Variants in MKX observed in about 807,000 individuals in gnomAD.
MKX encodes homeobox protein Mohawk.
A neutral mutation model predicts 36.0 loss-of-function variants in MKX; 13 were observed. That is an observed-to-expected ratio of 0.36 (90% CI 0.24 to 0.57). The LOEUF (loss-of-function observed/expected upper bound fraction) is 0.57, where lower values mean the gene tolerates loss of function less well. Ranked by LOEUF, MKX falls within the 20% of genes least tolerant of loss-of-function variation. The pLI is 0.79. For missense variants in MKX, 458 were observed against 456.4 expected, an observed-to-expected ratio of 1.00 and a Z score of -0.03; for synonymous variants, 176 against 178.3, an observed-to-expected ratio of 0.99 and a Z score of 0.10.
intron 5 of MKX, among the ~76,000 whole-genome samples, chr10:27,695,002 C>T (rs941230224): frequency 1.3e-5 from 2 of 151,460 alleles, no homozygotes; most frequent in African/African-American, 4.9e-5. Context: ...AAGGTGGAAG[C>T]AAGAGTAATT....
At chr10:27,735,416 T>G in intron 3 of MKX, 42 bp from the exon 4 acceptor site, 1 of 1,544,822 alleles carries the variant, frequency 6.5e-7, no homozygotes. Context: ...CTTAAAAACA[T>G]TATCCATGGT....
At position 27,743,287 on chromosome 10, in the gene MKX, C is replaced by A; in HGVS notation, c.129G>T (p.Val43=). The change falls in exon 2 of 7, where the codon GTG becomes GTT. Residue 43 remains valine (V), a synonymous_variant. Coordinates refer to ENST00000419761, the MANE Select transcript of MKX (RefSeq NM_173576.3). The stretch of plus-strand genomic sequence containing the variant: ...TGAGGGGCGGGCCGTCGGGAATGCC[C>A]ACCTCGGGGCGGGCGTGAGGACTGT... ...VLDSPHARPE[V]GIPDGPPLKD... The A allele has an allele frequency of 6.4e-7, 1 of 1,551,820 alleles. No individual in the cohort carries two copies.
At chr10:27,680,088 T>G (rs1836226034) in intron 5 of MKX, among the ~76,000 whole-genome samples, 1 of 151,902 alleles carries the variant, frequency 6.6e-6, no homozygotes, top group African/African-American at 2.4e-5. Context: ...AGAGGGAAAA[T>G]GCAAGTTGGA....
chr10:27,741,474 G>T lies in MKX; in HGVS notation c.219C>A (p.His73Gln), dbSNP rs1282262668. The T allele has an allele frequency of 8.7e-6, 14 of 1,603,210 alleles. No homozygotes were observed. In the African/African-American group the frequency reaches 1.6e-4, roughly 18 times the overall value. The stretch of plus-strand genomic sequence containing the variant: ...CCATGTCTTGCAGGGCCTGCCGCTT[G>T]TGCCTCACCTTCCCGCCATTCTGCC... Reference protein sequence around the residue: ...GARQNGGKVRHKRQALQDMAR... With the variant: ...GARQNGGKVRQKRQALQDMAR... Residue 73 changes from histidine (H) to glutamine (Q), a missense_variant, in exon 3 of 7, where the codon CAC (histidine) becomes CAA (glutamine). Physicochemically the swap from His to Gln is conservative, Grantham distance 24. Around this residue, in one of 3 missense-constraint regions of MKX, gnomAD observed 149 missense variants for 114.3 expected, o/e 1.30. Transcript: ENST00000419761. This position sits in a 1 kb window ranked among gnomAD's most constrained non-coding sequence, Gnocchi z 5.1.
intron 5 of MKX, among the ~76,000 whole-genome samples, chr10:27,713,754 T>C (rs556932023): frequency 1.3e-5 from 2 of 152,284 alleles, no homozygotes; most frequent in East Asian, 3.9e-4. Flanking sequence ...TTTGCTAATC[T>C]AATACCAGAA....
At chr10:27,712,251 G>C (rs1476464254) in intron 5 of MKX, among the ~76,000 whole-genome samples, 1 of 152,188 alleles carries the variant, frequency 6.6e-6, no homozygotes, top group Admixed American at 6.5e-5. Flanking sequence ...AAGCCAGGGG[G>C]ATGATGTTTT....
intron 5 of MKX, among the ~76,000 whole-genome samples, chr10:27,705,418 G>T (rs925528084): frequency 6.6e-6 from 1 of 152,028 alleles, no homozygotes; most frequent in African/African-American, 2.4e-5. Flanking sequence ...GCAGTGGCAC[G>T]GTCATACCTC....
chr10:27,686,431 AAGG>A (rs1301310151), intron 5 of MKX, among the ~76,000 whole-genome samples: 1,665 of 148,098 alleles, frequency 0.011, 28 homozygotes, highest in African/African-American at 0.039. Context: ...GGAAGGAAGG[AAGG>A]AAGGAAGGAA....
Position 27,744,497 on chromosome 10 carries a change from C to T in MKX, c.-82-1000G>A, listed in dbSNP as rs1835001854. 6.6e-6 allele frequency among the ~76,000 whole-genome samples: 1 copy of T among 152,026 alleles called. No homozygotes were observed. Among genetic ancestry groups the T allele is most frequent in the African/African-American group, 2.4e-5 (1 of 41,400 alleles). On this transcript the variant is annotated intron_variant, in intron 1 of 6. Transcript: ENST00000419761. This position sits in a 1 kb window ranked among gnomAD's most constrained non-coding sequence, Gnocchi z 5.6. ...GCGGAGGCCCTGAGCCTCTGCCTGC[C>T]GCGCACCGGCGTCAGGAGCAAGTCC...
rs1403666566 is a variant in MKX at position 27,742,367 on chromosome 10, TG to T, written c.188+860del. On this transcript the variant is annotated intron_variant, in intron 2 of 6. Coordinates refer to ENST00000419761, the MANE Select transcript of MKX (RefSeq NM_173576.3). The surrounding 1 kb of genome is among the most constrained non-coding windows in gnomAD (Gnocchi z 4.2). ...CCTGCGCCGGAGCCTCCTGGGTTTCTGCCTCTTTAAACACTTTGAAATGCAA... is the reference window on the plus strand; with the variant it reads ...CCTGCGCCGGAGCCTCCTGGGTTTCTCCTCTTTAAACACTTTGAAATGCAA... 6.6e-6 allele frequency among the ~76,000 whole-genome samples: 1 copy of T among 152,180 alleles called. No individual in the cohort carries two copies. The highest frequency in any genetic ancestry group is 1.5e-5 in the Non-Finnish European group (1 of 68,018).
intron 3 of MKX, among the ~76,000 whole-genome samples, chr10:27,737,803 C>T (rs1012930216): frequency 6.6e-6 from 1 of 152,048 alleles, no homozygotes; most frequent in Non-Finnish European, 1.5e-5. Context: ...TTCAGACTAA[C>T]CTTAAATCTT....
At chr10:27,711,483 C>CTTTCTTTCTTTCTTTT (rs1391922537) in intron 5 of MKX, among the ~76,000 whole-genome samples, 5 of 63,282 alleles carry the variant, frequency 7.9e-5, no homozygotes, top group African/African-American at 2.9e-4. Context: ...TTCTTTCTTT[C>CTTTCTTTCTTTCTTTT]TCTCTCTCTC....
intron 5 of MKX, among the ~76,000 whole-genome samples, chr10:27,705,368 T>G (rs1047092566): frequency 6.6e-6 from 1 of 152,174 alleles, no homozygotes; most frequent in Non-Finnish European, 1.5e-5. Context: ...TTTGTTTGTT[T>G]TATACAGAGT....
intron 5 of MKX, among the ~76,000 whole-genome samples, chr10:27,714,296 C>T (rs892383454): frequency 4.6e-5 from 7 of 151,914 alleles, no homozygotes; most frequent in African/African-American, 1.7e-4. Flanking sequence ...TTAAAATGTT[C>T]CATGTTATTT....
chr10:27,702,158 C>T (rs577959204), intron 5 of MKX, among the ~76,000 whole-genome samples: 2 of 152,274 alleles, frequency 1.3e-5, no homozygotes, highest in African/African-American at 2.4e-5. Context: ...TGAAGCCAGG[C>T]ACGGACAAAG....
In MKX at chr10:27,734,646, G is replaced by A. The variant is rs1193727012; in HGVS notation, c.648C>T (p.Pro216=). ...SRASEDYVAP[P]KYKSSLLNRY... is the part of the protein sequence containing the mutation. ...GGTTCAACAAGCTGCTCTTGTATTT[G>A]GGGGGTGCCACGTAGTCCTCACTGG... The change falls in exon 5 of 7, where the codon CCC becomes CCT. Residue 216 remains proline, a synonymous_variant. Transcript: ENST00000419761. The A allele has an allele frequency of 6.2e-7, 1 of 1,614,048 alleles. No homozygotes were observed. Among genetic ancestry groups the A allele is most frequent in the Non-Finnish European group, 8.5e-7 (1 of 1,179,990 alleles).
In MKX at chr10:27,711,481, T is replaced by TTCTTTCTTTCTTTC. The variant is rs1554772187; in HGVS notation, c.838+22974_838+22975insGAAAGAAAGAAAGA. Among the ~76,000 whole-genome samples, 62 of 17,660 alleles carry TTCTTTCTTTCTTTC rather than the reference T, an allele frequency of 3.5e-3. 1 individual carries two copies. Among genetic ancestry groups the TTCTTTCTTTCTTTC allele is most frequent in the Non-Finnish European group, 5.3e-3 (28 of 5,244 alleles). The allele number at this position is 17,660 out of a possible 152,430, so 11.6% of individuals were successfully genotyped here. On this transcript the variant is annotated intron_variant, in intron 5 of 6. Transcript: ENST00000419761. The stretch of plus-strand genomic sequence containing the variant: ...TTTCTTTCTTTCTTTCTTTCTTTCT[T>TTCTTTCTTTCTTTC]TCTCTCTCTCTCTCTTCTTTCCTTC...
chr10:27,711,366 AT>A (rs1236246003), intron 5 of MKX, among the ~76,000 whole-genome samples: 1 of 152,064 alleles, frequency 6.6e-6, no homozygotes, highest in Non-Finnish European at 1.5e-5. Context: ...TTCTTATTTC[AT>A]AATTGTCACT....
chr10:27,733,876 C>T lies in MKX; in HGVS notation c.838+580G>A, dbSNP rs1236377207. Among the ~76,000 whole-genome samples, 5 of 152,186 alleles carry T rather than the reference C, an allele frequency of 3.3e-5. No individual in the cohort carries two copies. In the East Asian group the frequency reaches 9.6e-4, roughly 29 times the overall value. ...AAGCTATTTTTCATCCCTGCTTATG[C>T]TTTTCAGGAATGAGAGTAAAATTTC... On this transcript the variant is annotated intron_variant, in intron 5 of 6. Transcript: ENST00000419761.
Sources: gnomAD v4.1 joint callset for allele counts (sites outside exome capture counted in the v4.1 genomes callset) on GRCh38, gnomAD v4.1.1 for gene constraint, gnomAD v4.1.1 regional missense constraint, Gnocchi (gnomAD v3.1) non-coding constraint, MANE v1.5 for transcripts, NCBI Gene and HGNC (gene_info 2026-07-23, HGNC 2026-07-21) for gene names.